NRXN3: variants seen among roughly 807,000 people sequenced by gnomAD.
The protein encoded by NRXN3 is neurexin 3.
A neutral mutation model predicts 137.6 loss-of-function variants in NRXN3; 32 were observed. The ratio of observed to expected loss-of-function variants is 0.23; its 90% CI spans 0.18 to 0.31. The LOEUF is 0.31. NRXN3 is among the 10% of genes least tolerant of loss of function. NRXN3 has a pLI of 1.00. For missense variants in NRXN3, 1,574 were observed against 2,062.5 expected, an observed-to-expected ratio of 0.76 and a Z score of 4.59; for synonymous variants, 798 against 784.5, an observed-to-expected ratio of 1.02 and a Z score of -0.29.
chr14:78,757,640 A>G (rs2098675161), intron 8 of NRXN3, among the ~76,000 whole-genome samples: 1 of 152,212 alleles, frequency 6.6e-6, no homozygotes, highest in Non-Finnish European at 1.5e-5. Flanking sequence ...TGAGATTCAC[A>G]TAATGACATT....
At chr14:78,793,349 A>G (rs1271959939) in intron 8 of NRXN3, among the ~76,000 whole-genome samples, 1 of 152,198 alleles carries the variant, frequency 6.6e-6, no homozygotes, top group Non-Finnish European at 1.5e-5. Context: ...TACATGGTAC[A>G]CATTATAAAT....
In NRXN3 at chr14:79,040,244, C is replaced by T. The variant is rs546178240; in HGVS notation, c.3262+52103C>T. Among the ~76,000 whole-genome samples, 21 of 152,306 alleles carry T rather than the reference C, an allele frequency of 1.4e-4. No homozygotes were observed. In the South Asian group the frequency reaches 3.7e-3, roughly 27 times the overall value. ...CCTAAGTTTTTGGCCTGCATATCAT[C>T]AGTGTCCTGCATATAGCAGGCCCAA... On this transcript the variant is annotated intron_variant, in intron 15 of 20. Coordinates refer to ENST00000335750, the MANE Select transcript of NRXN3 (RefSeq NM_001330195.2).
At chr14:79,386,507 G>A (rs1455210466) in intron 15 of NRXN3, among the ~76,000 whole-genome samples, 2 of 152,048 alleles carry the variant, frequency 1.3e-5, no homozygotes, top group African/African-American at 2.4e-5. Context: ...AATCAATATC[G>A]TGAAAATGGC....
chr14:78,530,979 C>T (rs186278080), intron 4 of NRXN3, among the ~76,000 whole-genome samples: 3 of 152,306 alleles, frequency 2.0e-5, no homozygotes, highest in African/African-American at 7.2e-5. Flanking sequence ...TATTGGGTCT[C>T]TCACTTTGTC....
chr14:78,381,072 T>G (rs573141615), intron 4 of NRXN3, among the ~76,000 whole-genome samples: 1 of 152,312 alleles, frequency 6.6e-6, no homozygotes, highest in East Asian at 1.9e-4. Flanking sequence ...TTTCAACAGA[T>G]GATGCTGGAG....
At chr14:78,795,592 C>T (rs2098819245) in intron 8 of NRXN3, among the ~76,000 whole-genome samples, 1 of 129,910 alleles carries the variant, frequency 7.7e-6, no homozygotes, top group African/African-American at 2.8e-5. Context: ...TAATTATATC[C>T]TCTAGAAATA....
intron 4 of NRXN3, among the ~76,000 whole-genome samples, chr14:78,505,333 T>C (rs2095966613): frequency 6.6e-6 from 1 of 152,190 alleles, no homozygotes; most frequent in Admixed American, 6.5e-5. Flanking sequence ...AATGTTTTTC[T>C]TTTTTAATCT....
intron 20 of NRXN3, among the ~76,000 whole-genome samples, chr14:79,849,105 C>T (rs2099386526): frequency 6.6e-6 from 1 of 152,206 alleles, no homozygotes; most frequent in South Asian, 2.1e-4. Flanking sequence ...AAATTGCTCA[C>T]ACATTTCCTT....
At chr14:79,789,346 G>T (rs2099138450) in intron 19 of NRXN3, among the ~76,000 whole-genome samples, 3 of 152,106 alleles carry the variant, frequency 2.0e-5, no homozygotes, top group Non-Finnish European at 4.4e-5. Flanking sequence ...GTGTGACGGG[G>T]AGCAGGAAGG....
intron 4 of NRXN3, among the ~76,000 whole-genome samples, chr14:78,319,058 T>G (rs1475397984): frequency 6.6e-6 from 1 of 152,208 alleles, no homozygotes; most frequent in Non-Finnish European, 1.5e-5. Context: ...GAGGGACAAG[T>G]CTTTGAGGCC....
In NRXN3 at chr14:78,749,520, G is replaced by A. The variant is rs138560923; in HGVS notation, c.2044+34381G>A. 8.9e-3 allele frequency among the ~76,000 whole-genome samples: 1,354 copies of A among 152,284 alleles called. 24 individuals carry two copies. The highest frequency in any genetic ancestry group is 0.03 in the African/African-American group (1,245 of 41,546). On this transcript the variant is annotated intron_variant, in intron 8 of 20. Transcript: ENST00000335750. The stretch of plus-strand genomic sequence containing the variant: ...CACCTGCATATGTAAGGTGGAGTTG[G>A]CTGTAGTTCAAGCAATAGAAAGAAG...
At position 79,640,207 on chromosome 14, in the gene NRXN3, G is replaced by C. The variant is rs569475469; in HGVS notation, c.3445-23571G>C. ...ATAAATGGCAATAAATCCAGTTGTGGGGTAGAGTTCTTTGCTTTCAGTGAT... is the reference window on the plus strand; with the variant it reads ...ATAAATGGCAATAAATCCAGTTGTGCGGTAGAGTTCTTTGCTTTCAGTGAT... On this transcript the variant is annotated intron_variant, in intron 16 of 20. Transcript: ENST00000335750. Among the ~76,000 whole-genome samples, 6 of 135,474 alleles carry C rather than the reference G, an allele frequency of 4.4e-5. 1 individual carries two copies. The highest frequency in any genetic ancestry group is 1.5e-4 in the African/African-American group (6 of 40,856). 88.9% of individuals were successfully genotyped at this position (135,474 alleles called of 152,430 possible). A position where few individuals can be genotyped will look rare whatever the true frequency, so the allele number is the denominator to read the frequency against.
At chr14:79,257,233 C>T (rs1418923565) in intron 15 of NRXN3, among the ~76,000 whole-genome samples, 1 of 151,850 alleles carries the variant, frequency 6.6e-6, no homozygotes, top group African/African-American at 2.4e-5. Context: ...CTGCCAACCT[C>T]CGTTCATGCT....
Position 78,647,014 on chromosome 14 carries a change from G to A in NRXN3, c.1059+1593G>A, listed in dbSNP as rs981592417. Among the ~76,000 whole-genome samples the A allele has an allele frequency of 5.9e-5, 9 of 152,182 alleles. 1 individual carries two copies. Among genetic ancestry groups the A allele is most frequent in the Admixed American group, 3.3e-4 (5 of 15,286 alleles). ...TTTAGGCATTAATCAGTGGAGGAGA[G>A]ACTTTTCATGTACTTCAGAGCACAA... On this transcript the variant is annotated intron_variant, in intron 5 of 20. Coordinates refer to ENST00000335750, the MANE Select transcript of NRXN3 (RefSeq NM_001330195.2).
chr14:78,697,532 T>C (rs953953602), intron 6 of NRXN3, among the ~76,000 whole-genome samples: 4 of 151,904 alleles, frequency 2.6e-5, no homozygotes, highest in African/African-American at 9.7e-5. Flanking sequence ...TCATTTCAGG[T>C]TGATTTTGCA....
Position 78,967,265 on chromosome 14 carries a change from T to G in NRXN3, c.2835T>G (p.Ser945Arg). Residue 945 changes from serine to arginine, a missense_variant, in exon 13 of 21, where the codon AGT becomes AGG. Ser to Arg is a moderately radical substitution (Grantham distance 110). Coordinates refer to ENST00000335750, the MANE Select transcript of NRXN3 (RefSeq NM_001330195.2). ...GNGPNVIKGN[S>R]DRPLNDNQWH... ...GTCCCAATGTGATCAAAGGCAACAG[T>G]GACCGCCCCCTGAATGACAACCAGT... is the stretch of plus-strand genomic sequence containing the variant. 1 of 1,613,534 alleles carries G rather than the reference T, an allele frequency of 6.2e-7. No homozygotes were observed. Among genetic ancestry groups the G allele is most frequent in the Non-Finnish European group, 8.5e-7 (1 of 1,179,932 alleles).
intron 15 of NRXN3, among the ~76,000 whole-genome samples, chr14:79,322,225 T>C (rs920381954): frequency 6.6e-6 from 1 of 152,188 alleles, no homozygotes; most frequent in African/African-American, 2.4e-5. Flanking sequence ...CAATCAACAT[T>C]TTATGCATGG....
chr14:79,360,315 T>C (rs1371054730), intron 15 of NRXN3, among the ~76,000 whole-genome samples: 1 of 152,186 alleles, frequency 6.6e-6, no homozygotes, highest in Non-Finnish European at 1.5e-5. Context: ...GGAGAGTTAG[T>C]AGTGGTCTTG....
intron 15 of NRXN3, among the ~76,000 whole-genome samples, chr14:79,027,907 T>G (rs2099601186): frequency 6.6e-6 from 1 of 152,186 alleles, no homozygotes; most frequent in Non-Finnish European, 1.5e-5. Context: ...TGGAGTTGGG[T>G]AGTCTAGAAC....
Sources: gnomAD v4.1 joint callset for allele counts (sites outside exome capture counted in the v4.1 genomes callset) on GRCh38, gnomAD v4.1.1 for gene constraint, MANE v1.5 for transcripts, NCBI Gene and HGNC (gene_info 2026-07-23, HGNC 2026-07-21) for gene names.